Variants in ZNF487 observed in about 807,000 individuals in gnomAD.
The protein encoded by ZNF487 is zinc finger protein 487.
In ZNF487, 4 loss-of-function variants were observed where a neutral mutation model predicts 3.0. The ratio of observed to expected loss-of-function variants is 1.35; its 90% CI spans 0.66 to 3.08. The LOEUF is 3.08. ZNF487 is among the 30% of genes most tolerant of loss of function. The pLI, the probability that ZNF487 is intolerant of heterozygous loss-of-function variation, is 0.01. For missense variants in ZNF487, 146 were observed against 98.7 expected, an observed-to-expected ratio of 1.48 and a Z score of -2.03; for synonymous variants, 55 against 34.6, an observed-to-expected ratio of 1.59 and a Z score of -2.06.
At chr10:43,462,457 ATTT>A (rs36007890) in intron 1 of ZNF487, among the ~76,000 whole-genome samples, 3 of 129,170 alleles carry the variant, frequency 2.3e-5, no homozygotes, top group Non-Finnish European at 3.2e-5. Flanking sequence ...TGTAGACAAC[ATTT>A]TTTTTTTTTT....
intron 1 of ZNF487, among the ~76,000 whole-genome samples, chr10:43,444,085 C>T (rs111251503): frequency 0.01 from 1,576 of 151,792 alleles, 11 homozygotes; most frequent in Middle Eastern, 0.024. Flanking sequence ...CATCTCCTGA[C>T]CTCGTGATCC....
At chr10:43,471,377 G>T (rs530030359) in intron 1 of ZNF487, among the ~76,000 whole-genome samples, 1 of 152,186 alleles carries the variant, frequency 6.6e-6, no homozygotes. Flanking sequence ...GGAGTGTTAC[G>T]GTGCTCTGTT....
the ZNF487 span, among the ~76,000 whole-genome samples, chr10:43,517,547 G>A: frequency 4.6e-5 from 7 of 152,146 alleles, no homozygotes; most frequent in South Asian, 6.2e-4. Context: ...AGCCCCTGAC[G>A]CAAGAAACTG....
downstream of ZNF487, among the ~76,000 whole-genome samples, chr10:43,486,475 G>A (rs193153387): frequency 1.5e-3 from 222 of 151,662 alleles, 3 homozygotes; most frequent in East Asian, 0.04. Context: ...GCGGTGAGCC[G>A]AGATTGCGCC....
At chr10:43,519,011 A>G in the ZNF487 span, among the ~76,000 whole-genome samples, 1 of 152,142 alleles carries the variant, frequency 6.6e-6, no homozygotes, top group African/African-American at 2.4e-5. Flanking sequence ...TTAATTCATC[A>G]CTTGACATTT....
At chr10:43,487,372 C>T (rs1043017410), downstream of ZNF487, among the ~76,000 whole-genome samples, 1 of 151,936 alleles carries the variant, frequency 6.6e-6, no homozygotes, top group African/African-American at 2.4e-5. Context: ...ATTTCCTGAC[C>T]TCGTGATCTG....
chr10:43,477,556 A>G (rs150851711), intron 3 of ZNF487, among the ~76,000 whole-genome samples: 155 of 152,220 alleles, frequency 1.0e-3, no homozygotes, highest in African/African-American at 3.5e-3. Context: ...GGTAACATGT[A>G]ATGAGTAAAT....
At position 43,475,794 on chromosome 10, in the gene ZNF487, G is replaced by C; in HGVS notation, c.-20G>C. On this transcript the variant is annotated 5_prime_UTR_variant, in exon 2 of 4. Coordinates refer to ENST00000437590, the MANE Select transcript of ZNF487 (RefSeq NM_001355444.3). ...TGGCAGCATCTGGACTCTGCTCAGA[G>C]GACCCCGTACAGAGACATGATGCTG... 1.3e-6 allele frequency: 1 copy of C among 780,820 alleles called. No homozygotes were observed. Among genetic ancestry groups the C allele is most frequent in the Non-Finnish European group, 2.4e-6 (1 of 418,058 alleles). The allele number at this position is 780,820 out of a possible 1,614,324, so 48.4% of individuals were successfully genotyped here.
intron 1 of ZNF487, among the ~76,000 whole-genome samples, chr10:43,461,297 A>G (rs527674089): frequency 7.2e-6 from 1 of 138,796 alleles, no homozygotes; most frequent in African/African-American, 2.7e-5. Flanking sequence ...GTGAGCCAAC[A>G]TGCCCGGCCC....
chr10:43,516,236 G>A, the ZNF487 span, among the ~76,000 whole-genome samples: 60 of 152,206 alleles, frequency 3.9e-4, no homozygotes, highest in African/African-American at 1.3e-3. Flanking sequence ...TGTCAAATGC[G>A]TTTATTTTGC....
chr10:43,471,025 T>C (rs148845656), intron 1 of ZNF487, among the ~76,000 whole-genome samples: 1 of 152,098 alleles, frequency 6.6e-6, no homozygotes, highest in Non-Finnish European at 1.5e-5. Flanking sequence ...GGTTTCACCA[T>C]GTTGCCGACC....
intron 1 of ZNF487, among the ~76,000 whole-genome samples, chr10:43,474,738 A>G (rs568638646): frequency 2.0e-5 from 3 of 151,854 alleles, no homozygotes; most frequent in Admixed American, 6.6e-5. Flanking sequence ...GCGCACCACC[A>G]AGCTTGACTA....
the ZNF487 span, among the ~76,000 whole-genome samples, chr10:43,517,901 G>A: frequency 1.3e-5 from 2 of 152,306 alleles, no homozygotes; most frequent in Admixed American, 1.3e-4. Context: ...GGAGTTTCTA[G>A]ACTATACATG....
chr10:43,448,765 CA>C (rs1368742884), intron 1 of ZNF487, among the ~76,000 whole-genome samples: 9 of 151,864 alleles, frequency 5.9e-5, no homozygotes, highest in Middle Eastern at 3.2e-3. Context: ...TGCAGTGAGC[CA>C]AGATCTTGCC....
intron 3 of ZNF487, among the ~76,000 whole-genome samples, chr10:43,479,975 C>CT (rs1341921432): frequency 0.031 from 1,195 of 38,758 alleles, 29 homozygotes; most frequent in African/African-American, 0.056. Context: ...TCTTTCTTTT[C>CT]TTTCTTTCCT....
At chr10:43,445,227 A>C (rs1056647580) in intron 1 of ZNF487, among the ~76,000 whole-genome samples, 5 of 151,816 alleles carry the variant, frequency 3.3e-5, no homozygotes, top group Non-Finnish European at 7.4e-5. Context: ...GGGCTCAAGC[A>C]ATTTTCTCAC....
Position 43,481,842 on chromosome 10 carries a change from T to C in ZNF487, c.544T>C (p.Tyr182His). 1 of 703,226 alleles carries C rather than the reference T, an allele frequency of 1.4e-6. No individual in the cohort carries two copies. Among genetic ancestry groups the C allele is most frequent in the South Asian group, 1.5e-5 (1 of 67,596 alleles). The allele number at this position is 703,226 out of a possible 1,614,324, so 43.6% of individuals were successfully genotyped here. Residue 182 changes from tyrosine (Y) to histidine (H), a missense_variant, in exon 4 of 4, where the codon TAC (tyrosine) becomes CAC (histidine). By Grantham distance (83) the Tyr-to-His change is moderately conservative. Coordinates refer to ENST00000437590, the MANE Select transcript of ZNF487 (RefSeq NM_001355444.3). ...YIQTLKQCFEYNQCGKAFHEE... is the reference protein window; with the variant it reads ...YIQTLKQCFEHNQCGKAFHEE... ...TCAAACTCTTAAGCAGTGTTTTGAA[T>C]ACAATCAGTGTGGGAAGGCTTTTCA... is the stretch of plus-strand genomic sequence containing the variant.
chr10:43,483,322 CCT>C (rs1289173329), downstream of ZNF487: 5 of 355,928 alleles, frequency 1.4e-5, no homozygotes, highest in Non-Finnish European at 2.7e-5. Context: ...CTCACCGCAA[CCT>C]CTGTCTCCTG....
At chr10:43,448,708 C>T (rs575018439) in intron 1 of ZNF487, among the ~76,000 whole-genome samples, 151 of 152,014 alleles carry the variant, frequency 9.9e-4, no homozygotes, top group African/African-American at 3.4e-3. Flanking sequence ...TCCCAGCTAT[C>T]GGGGAGGCTG....
Sources: allele counts gnomAD v4.1 joint callset (sites outside exome capture counted in the v4.1 genomes callset), GRCh38; gene constraint gnomAD v4.1.1; transcripts MANE v1.5; gene names NCBI Gene and HGNC (gene_info 2026-07-23, HGNC 2026-07-21).